The following BRAF variants were observed in gnomAD, a reference collection of about 807,000 sequenced individuals.
The protein encoded by BRAF is B-Raf proto-oncogene, serine/threonine kinase, also known as serine/threonine-protein kinase B-raf.
A neutral mutation model predicts 104.6 loss-of-function variants in BRAF; 16 were observed. That is an observed-to-expected ratio of 0.15 (90% CI 0.10 to 0.23). BRAF has a LOEUF of 0.23. Among genes scored for constraint, BRAF ranks in the 10% least tolerant of loss-of-function variants. The pLI is 1.00. For synonymous variants in BRAF, 310 were observed against 341.6 expected, an observed-to-expected ratio of 0.91 and a Z score of 1.02; for missense variants, 541 against 937.3, an observed-to-expected ratio of 0.58 and a Z score of 5.52.
intron 1 of BRAF, among the ~76,000 whole-genome samples, chr7:140,897,777 G>A (rs768148203): frequency 1.3e-5 from 2 of 151,636 alleles, no homozygotes; most frequent in Admixed American, 6.6e-5. Flanking sequence ...TGGGATGACA[G>A]GTGTGAGCCA....
chr7:140,714,267 A>G, the BRAF span, among the ~76,000 whole-genome samples: 1 of 152,206 alleles, frequency 6.6e-6, no homozygotes, highest in African/African-American at 2.4e-5. Flanking sequence ...GGCCAGAGGA[A>G]TGGGTGAAGC....
chr7:140,864,056 T>C (rs1185520163), intron 1 of BRAF, among the ~76,000 whole-genome samples: 3 of 152,208 alleles, frequency 2.0e-5, no homozygotes, highest in African/African-American at 4.8e-5. Flanking sequence ...TAGAGCAGTA[T>C]ATATTATAGT....
intron 10 of BRAF, among the ~76,000 whole-genome samples, chr7:140,785,294 T>A (rs1007270214): frequency 4.6e-5 from 7 of 152,028 alleles, no homozygotes; most frequent in Non-Finnish European, 1.0e-4. Context: ...ACCACAAAAT[T>A]AACAAATATT....
chr7:140,817,676 A>G (rs892274686), intron 3 of BRAF, among the ~76,000 whole-genome samples: 3 of 152,216 alleles, frequency 2.0e-5, no homozygotes, highest in Non-Finnish European at 4.4e-5. Context: ...CAAAGGTGCC[A>G]AGAACATACA....
chr7:140,860,466 A>G (rs1483253759), intron 1 of BRAF, among the ~76,000 whole-genome samples: 9 of 123,396 alleles, frequency 7.3e-5, no homozygotes, highest in African/African-American at 1.3e-4. Flanking sequence ...CCATCTCTAG[A>G]AAAAAAAAAA....
intron 16 of BRAF, among the ~76,000 whole-genome samples, chr7:140,751,870 G>A (rs527928771): frequency 3.3e-5 from 5 of 152,116 alleles, no homozygotes; most frequent in South Asian, 2.1e-4. Flanking sequence ...CAGGGTGCCC[G>A]AAAGTCTTAG....
At chr7:140,747,002 A>G (rs1286459122) in intron 17 of BRAF, among the ~76,000 whole-genome samples, 1 of 152,198 alleles carries the variant, frequency 6.6e-6, no homozygotes, top group Non-Finnish European at 1.5e-5. Flanking sequence ...AGTCTAGGGG[A>G]ATGGTATTCA....
At chr7:140,832,265 T>C (rs1310809105) in intron 3 of BRAF, among the ~76,000 whole-genome samples, 1 of 152,194 alleles carries the variant, frequency 6.6e-6, no homozygotes, top group Non-Finnish European at 1.5e-5. Context: ...TGCTAGTAGG[T>C]TCTACTGCCC....
intron 1 of BRAF, among the ~76,000 whole-genome samples, chr7:140,853,052 A>G (rs150971891): frequency 4.0e-4 from 61 of 152,268 alleles, no homozygotes; most frequent in African/African-American, 1.3e-3. Flanking sequence ...TTTATTAACA[A>G]GAGTTTCTGA....
chr7:140,765,045 A>C (rs1184604873), intron 14 of BRAF, among the ~76,000 whole-genome samples: 3 of 152,192 alleles, frequency 2.0e-5, no homozygotes, highest in Non-Finnish European at 4.4e-5. Context: ...CTGACTGCAA[A>C]CTATACTACA....
intron 10 of BRAF, 106 bp from the exon 10 acceptor site, chr7:140,783,263 G>T: frequency 2.9e-6 from 4 of 1,393,054 alleles, no homozygotes; most frequent in East Asian, 2.5e-5. Context: ...AAAATGTAGT[G>T]CATGTTTAAA....
rs1320075163 is a variant in BRAF at position 140,850,105 on chromosome 7, G to A, written c.240+6C>T. Reference sequence around the variant, plus strand: ...AAATTACTAGATATGATACTCAAAAGCTTACCTCCAGATATATTGATGGTG... The same window carrying A: ...AAATTACTAGATATGATACTCAAAAACTTACCTCCAGATATATTGATGGTG... On this transcript the variant is annotated splice_donor_region_variant and intron_variant, in intron 2 of 19. Transcript: ENST00000644969. The A allele has an allele frequency of 3.4e-5, 54 of 1,583,380 alleles. No individual in the cohort carries two copies. The highest frequency in any genetic ancestry group is 4.3e-5 in the Non-Finnish European group (50 of 1,155,262).
chr7:140,869,786 G>A (rs1043754288), intron 1 of BRAF, among the ~76,000 whole-genome samples: 33 of 152,264 alleles, frequency 2.2e-4, no homozygotes, highest in African/African-American at 7.7e-4. Context: ...ACAAATGTTG[G>A]AATTAACTGC....
At chr7:140,896,561 T>A (rs1287850211) in intron 1 of BRAF, among the ~76,000 whole-genome samples, 1 of 151,664 alleles carries the variant, frequency 6.6e-6, no homozygotes, top group Non-Finnish European at 1.5e-5. Context: ...AAATCCTGTC[T>A]CTACTAAAAA....
chr7:140,908,852 C>T (rs999570024), intron 1 of BRAF, among the ~76,000 whole-genome samples: 1 of 135,970 alleles, frequency 7.4e-6, no homozygotes, highest in African/African-American at 2.5e-5. Context: ...AACCAAAGCC[C>T]AACTTGTACA....
Position 140,781,639 on chromosome 7 carries a change from T to A in BRAF, c.1489A>T (p.Ile497Phe), listed in dbSNP as rs1008100536. ...SDDWEIPDGQITVGQRIGSGS... is the reference protein window; with the variant it reads ...SDDWEIPDGQFTVGQRIGSGS... ...GATCCAATTCTTTGTCCCACTGTAA[T>A]CTGCCCATCAGGAATCTCCCAATCA... The change falls in exon 12 of 20, where the codon ATT (isoleucine) becomes TTT (phenylalanine). Residue 497 changes from isoleucine (I) to phenylalanine (F), a missense_variant. Physicochemically the swap from Ile to Phe is conservative, Grantham distance 21 (BLOSUM62 0). Transcript: ENST00000644969. 3 of 1,613,988 alleles carry A rather than the reference T, an allele frequency of 1.9e-6. No homozygotes were observed. The highest frequency in any genetic ancestry group is 2.7e-5 in the African/African-American group (2 of 74,920).
Position 140,722,267 on chromosome 7 carries a change from T to C in BRAF, c.*4227A>G, listed in dbSNP as rs753065017. On this transcript the variant is annotated 3_prime_UTR_variant, in exon 20 of 20. Coordinates refer to ENST00000644969, the MANE Select transcript of BRAF (RefSeq NM_001374258.1). ...AAAATTTACCTGTGTGTTTTCTCAT[T>C]GTTAAATGTGATTTTGGCTATAAAC... 1 of 1,056,272 alleles carries C rather than the reference T, an allele frequency of 9.5e-7. No individual in the cohort carries two copies. Among genetic ancestry groups the C allele is most frequent in the African/African-American group, 1.6e-5 (1 of 60,736 alleles). 65.4% of individuals were successfully genotyped at this position (1,056,272 alleles called of 1,614,324 possible).
chr7:140,849,935 T>G (rs570608011), intron 2 of BRAF, among the ~76,000 whole-genome samples, 176 bp downstream of exon 2: 1 of 152,210 alleles, frequency 6.6e-6, no homozygotes, highest in Non-Finnish European at 1.5e-5. Context: ...CATGTTTATT[T>G]TAACAAGTGA....
chr7:140,761,146 G>A (rs1195931215), intron 14 of BRAF, among the ~76,000 whole-genome samples: 1 of 152,146 alleles, frequency 6.6e-6, no homozygotes, highest in Non-Finnish European at 1.5e-5. Flanking sequence ...CAGAAAGGTC[G>A]GGTTACCCAC....
Sources: allele counts gnomAD v4.1 joint callset (sites outside exome capture counted in the v4.1 genomes callset), GRCh38; gene constraint gnomAD v4.1.1; transcripts MANE v1.5; gene names NCBI Gene and HGNC (gene_info 2026-07-23, HGNC 2026-07-21).